Variants in FHOD3 observed in about 807,000 individuals in gnomAD.
FHOD3 encodes formin homology 2 domain containing 3.
In FHOD3, 90 loss-of-function variants were observed where a neutral mutation model predicts 173.0. The observed-to-expected ratio is 0.52, with a 90% CI of 0.44 to 0.62. FHOD3 has a LOEUF of 0.62. Ranked by LOEUF, FHOD3 falls within the 20% of genes least tolerant of loss-of-function variation. The pLI, the probability that FHOD3 is intolerant of heterozygous loss-of-function variation, is 0.00. For synonymous variants in FHOD3, 828 were observed against 823.0 expected, an observed-to-expected ratio of 1.01 and a Z score of -0.10; for missense variants, 1,945 against 2,034.7, an observed-to-expected ratio of 0.96 and a Z score of 0.85.
At chr18:36,555,675 T>C (rs1343518864) in intron 5 of FHOD3, among the ~76,000 whole-genome samples, 1 of 152,176 alleles carries the variant, frequency 6.6e-6, no homozygotes, top group Non-Finnish European at 1.5e-5. Flanking sequence ...ATTTCTCCTT[T>C]AGTTCTATCA....
chr18:36,393,548 G>A (rs2048404667), intron 3 of FHOD3, among the ~76,000 whole-genome samples: 1 of 152,162 alleles, frequency 6.6e-6, no homozygotes, highest in Non-Finnish European at 1.5e-5. Context: ...CTGCTCTAGA[G>A]CTGGCCCCAA....
At chr18:36,745,788 C>A (rs950013552) in intron 23 of FHOD3, among the ~76,000 whole-genome samples, 3 of 149,746 alleles carry the variant, frequency 2.0e-5, no homozygotes, top group African/African-American at 7.4e-5. Flanking sequence ...CTCATCCCCC[C>A]ACCTGCACCC....
chr18:36,371,403 G>T (rs1431694885), intron 2 of FHOD3, among the ~76,000 whole-genome samples: 1 of 152,168 alleles, frequency 6.6e-6, no homozygotes, highest in Non-Finnish European at 1.5e-5. Flanking sequence ...AAGAGCAAAG[G>T]CACATCTTAC....
At chr18:36,563,564 G>C (rs1351701828) in intron 5 of FHOD3, among the ~76,000 whole-genome samples, 2 of 152,204 alleles carry the variant, frequency 1.3e-5, no homozygotes, top group African/African-American at 4.8e-5. Context: ...AACCATACAG[G>C]ATCCAGGTTG....
chr18:36,615,781 T>C (rs186119686), intron 9 of FHOD3, among the ~76,000 whole-genome samples: 25 of 152,384 alleles, frequency 1.6e-4, no homozygotes, highest in African/African-American at 4.8e-4. Context: ...CATTTCCTTA[T>C]GGTCTTCACT....
At chr18:36,309,690 C>T (rs2092202558) in intron 1 of FHOD3, among the ~76,000 whole-genome samples, 1 of 152,212 alleles carries the variant, frequency 6.6e-6, no homozygotes, top group Non-Finnish European at 1.5e-5. Context: ...CCAACCTCAG[C>T]AGCACCATGT....
chr18:36,760,663 G>T lies in FHOD3; in HGVS notation c.4505G>T (p.Ser1502Ile), dbSNP rs745415621. The stretch of plus-strand genomic sequence containing the variant: ...CCCCCAAGCCAGCCGCAGGGTCTGA[G>T]CTATGCGGAGGACGCGGCTGAGCAC... ...PAPPSQPQGL[S>I]YAEDAAEHEN... The change falls in exon 27 of 29, where the codon AGC (serine) becomes ATC (isoleucine). Residue 1502 changes from serine (S) to isoleucine (I), a missense_variant. Ser to Ile is a moderately radical substitution (Grantham distance 142). Coordinates refer to ENST00000590592, the MANE Select transcript of FHOD3 (RefSeq NM_001281740.3). 4.3e-6 allele frequency: 7 copies of T among 1,613,228 alleles called. No individual in the cohort carries two copies. The highest frequency in any genetic ancestry group is 5.9e-6 in the Non-Finnish European group (7 of 1,179,980).
At chr18:36,667,816 G>T (rs777063240) in intron 14 of FHOD3, among the ~76,000 whole-genome samples, 1 of 152,136 alleles carries the variant, frequency 6.6e-6, no homozygotes, top group Non-Finnish European at 1.5e-5. Flanking sequence ...GTGCTACAAT[G>T]TTATGATGGC....
intron 3 of FHOD3, among the ~76,000 whole-genome samples, chr18:36,393,160 C>T (rs542615207): frequency 1.1e-4 from 17 of 152,318 alleles, no homozygotes; most frequent in South Asian, 2.1e-4. Context: ...GCTTCTGGGA[C>T]GGCTGCAGGG....
chr18:36,489,493 G>A (rs545780101), intron 3 of FHOD3, among the ~76,000 whole-genome samples: 4 of 152,180 alleles, frequency 2.6e-5, no homozygotes, highest in Non-Finnish European at 5.9e-5. Flanking sequence ...GCAACGTAAC[G>A]ATATCCTGTC....
At chr18:36,497,944 A>G (rs1430513728) in intron 3 of FHOD3, among the ~76,000 whole-genome samples, 1 of 152,216 alleles carries the variant, frequency 6.6e-6, no homozygotes, top group East Asian at 1.9e-4. Context: ...AGGATAAGCC[A>G]TATTCCGGGC....
At chr18:36,741,914 G>A (rs1405005517) in intron 21 of FHOD3, among the ~76,000 whole-genome samples, 2 of 152,044 alleles carry the variant, frequency 1.3e-5, no homozygotes, top group African/African-American at 4.8e-5. Context: ...TCATCAGGAA[G>A]TCAAGCAGAG....
intron 3 of FHOD3, among the ~76,000 whole-genome samples, chr18:36,374,602 ATAT>A (rs1261493908): frequency 6.6e-5 from 10 of 152,246 alleles, no homozygotes; most frequent in Non-Finnish European, 1.0e-4. Context: ...GCGAGGGGGA[ATAT>A]TATAAAATCT....
At chr18:36,553,630 T>G (rs992596316) in intron 5 of FHOD3, among the ~76,000 whole-genome samples, 1 of 152,212 alleles carries the variant, frequency 6.6e-6, no homozygotes, top group Non-Finnish European at 1.5e-5. Flanking sequence ...TATTCTCTGA[T>G]GGTAGTTTGT....
chr18:36,658,664 C>T (rs2036581702), intron 14 of FHOD3, among the ~76,000 whole-genome samples: 1 of 152,112 alleles, frequency 6.6e-6, no homozygotes. Flanking sequence ...TTTAACTTGG[C>T]AAGAGTATTA....
chr18:36,626,328 A>T, intron 10 of FHOD3, among the ~76,000 whole-genome samples: 1 of 152,222 alleles, frequency 6.6e-6, no homozygotes, highest in East Asian at 1.9e-4. Context: ...GAAAGGTATG[A>T]TCTCTGTCCC....
Position 36,603,361 on chromosome 18 carries a change from G to A in FHOD3, c.813+593G>A, listed in dbSNP as rs983893522. Among the ~76,000 whole-genome samples, 4 of 152,080 alleles carry A rather than the reference G, an allele frequency of 2.6e-5. No homozygotes were observed. In the East Asian group the frequency reaches 7.7e-4, roughly 29 times the overall value. On this transcript the variant is annotated intron_variant, in intron 8 of 28. Coordinates refer to ENST00000590592, the MANE Select transcript of FHOD3 (RefSeq NM_001281740.3). ...GCGACACGTGGAGTGGATGCGTGCA[G>A]GTGTGTGTGCTTGTGAAGGCCTGTG...
intron 3 of FHOD3, among the ~76,000 whole-genome samples, chr18:36,392,951 G>C (rs1325087324): frequency 3.9e-5 from 6 of 152,324 alleles, no homozygotes; most frequent in African/African-American, 1.2e-4. Context: ...ACTCAGCTTA[G>C]GGTTTTGGTG....
At chr18:36,682,135 A>G (rs569442681) in intron 15 of FHOD3, among the ~76,000 whole-genome samples, 19 of 152,202 alleles carry the variant, frequency 1.2e-4, no homozygotes, top group African/African-American at 4.6e-4. Context: ...TCCAGGTTCC[A>G]TATCTTGGCC....
Sources: allele counts gnomAD v4.1 joint callset (sites outside exome capture counted in the v4.1 genomes callset), GRCh38; gene constraint gnomAD v4.1.1; transcripts MANE v1.5; gene names NCBI Gene and HGNC (gene_info 2026-07-23, HGNC 2026-07-21).